Variants in ESRRG observed in about 807,000 individuals in gnomAD.
ESRRG encodes the protein estrogen-related receptor gamma.
Under a neutral mutation model 44.0 loss-of-function variants are expected in ESRRG, and 13 were observed. The ratio of observed to expected loss-of-function variants is 0.30; its 90% CI spans 0.19 to 0.47. ESRRG has a LOEUF of 0.47. Ranked by LOEUF, ESRRG falls within the 20% of genes least tolerant of loss-of-function variation. ESRRG has a pLI of 1.00. For missense variants in ESRRG, 395 were observed against 580.6 expected, an observed-to-expected ratio of 0.68 and a Z score of 3.29; for synonymous variants, 215 against 214.6, an observed-to-expected ratio of 1.00 and a Z score of -0.02.
At chr1:216,919,287 T>G (rs534866708) in intron 2 of ESRRG, among the ~76,000 whole-genome samples, 2 of 152,290 alleles carry the variant, frequency 1.3e-5, no homozygotes, top group South Asian at 4.1e-4. Flanking sequence ...CAAGGGATAC[T>G]AGTCTTTCCC....
chr1:216,606,399 G>A (rs1242209211), intron 3 of ESRRG, among the ~76,000 whole-genome samples: 6 of 152,222 alleles, frequency 3.9e-5, no homozygotes, highest in Non-Finnish European at 5.9e-5. Context: ...CTCACACAGT[G>A]TAATGTGTTT....
chr1:216,679,684 A>G (rs1308302909), intron 1 of ESRRG, among the ~76,000 whole-genome samples: 1 of 139,522 alleles, frequency 7.2e-6, no homozygotes, highest in African/African-American at 2.7e-5. Flanking sequence ...CTTGATCTTC[A>G]GACCCTCTTT....
At chr1:216,660,377 G>C (rs1445569617) in intron 2 of ESRRG, among the ~76,000 whole-genome samples, 1 of 152,134 alleles carries the variant, frequency 6.6e-6, no homozygotes, top group Non-Finnish European at 1.5e-5. Context: ...TCTTTGATGT[G>C]CTTTACATTA....
chr1:216,958,374 C>T (rs1368175066), intron 1 of ESRRG, among the ~76,000 whole-genome samples: 1 of 152,102 alleles, frequency 6.6e-6, no homozygotes, highest in African/African-American at 2.4e-5. Context: ...GTGTTATTTT[C>T]ACACTCACTA....
At chr1:216,752,636 C>A (rs979799008) in intron 2 of ESRRG, among the ~76,000 whole-genome samples, 7 of 152,056 alleles carry the variant, frequency 4.6e-5, no homozygotes, top group Admixed American at 4.6e-4. Flanking sequence ...AACTGTTTAG[C>A]CCAGCATGGA....
chr1:216,929,141 C>T (rs2062980223), intron 2 of ESRRG, among the ~76,000 whole-genome samples: 1 of 152,156 alleles, frequency 6.6e-6, no homozygotes, highest in African/African-American at 2.4e-5. Context: ...AAAAAAACCA[C>T]ACTGGTCTCC....
At chr1:216,735,987 A>AAAAAATATATAT (rs1453476198) in intron 2 of ESRRG, among the ~76,000 whole-genome samples, 5 of 137,092 alleles carry the variant, frequency 3.6e-5, no homozygotes, top group African/African-American at 1.3e-4. Context: ...CTCAAAAAAA[A>AAAAAATATATAT]ATATATATAT....
intron 3 of ESRRG, among the ~76,000 whole-genome samples, chr1:216,616,221 T>C (rs6673703): frequency 0.82 from 124,745 of 151,970 alleles, 51,435 homozygotes; most frequent in African/African-American, 0.87. Context: ...AGTAACTACC[T>C]CAAAGCTACC....
chr1:216,967,590 T>G (rs991310603), intron 1 of ESRRG, among the ~76,000 whole-genome samples: 1 of 152,216 alleles, frequency 6.6e-6, no homozygotes, highest in Non-Finnish European at 1.5e-5. Flanking sequence ...TAGCAGTGAA[T>G]AATACTCCGT....
intron 2 of ESRRG, among the ~76,000 whole-genome samples, chr1:216,742,278 A>C (rs1040016933): frequency 1.3e-5 from 2 of 152,194 alleles, no homozygotes; most frequent in South Asian, 2.1e-4. Flanking sequence ...AGTAGGTTAG[A>C]GCCTTGAAAA....
At chr1:216,847,466 A>C (rs1458344407) in intron 2 of ESRRG, among the ~76,000 whole-genome samples, 1 of 152,152 alleles carries the variant, frequency 6.6e-6, no homozygotes, top group Non-Finnish European at 1.5e-5. Flanking sequence ...TTTAATTCCC[A>C]AAATGATTTT....
intron 3 of ESRRG, among the ~76,000 whole-genome samples, chr1:216,630,545 C>A (rs1318460758): frequency 6.6e-6 from 1 of 151,950 alleles, no homozygotes; most frequent in Non-Finnish European, 1.5e-5. Flanking sequence ...TTATGGTTAG[C>A]TAATAAACCT....
intron 1 of ESRRG, among the ~76,000 whole-genome samples, chr1:216,980,648 A>G (rs2073803834): frequency 6.6e-6 from 1 of 151,960 alleles, no homozygotes; most frequent in African/African-American, 2.4e-5. Flanking sequence ...TTTCAATTCA[A>G]CTTCCAAGGG....
chr1:216,667,165 G>A (rs2074117901), intron 2 of ESRRG, among the ~76,000 whole-genome samples: 1 of 152,118 alleles, frequency 6.6e-6, no homozygotes, highest in South Asian at 2.1e-4. Context: ...TAGCTCAGGA[G>A]ATCTATAGGG....
At chr1:216,638,455 A>G (rs1266044869) in intron 3 of ESRRG, among the ~76,000 whole-genome samples, 2 of 152,188 alleles carry the variant, frequency 1.3e-5, no homozygotes, top group East Asian at 3.9e-4. Flanking sequence ...ACAAAATTAG[A>G]GACTGACTTC....
chr1:216,564,156 A>G (rs1379331099), intron 5 of ESRRG, 63 bp downstream of exon 5: 3 of 1,039,634 alleles, frequency 2.9e-6, no homozygotes, highest in Non-Finnish European at 4.1e-6. Flanking sequence ...ACCCAAATCT[A>G]TATACATAAC....
At chr1:216,709,866 C>G (rs1337833524) in intron 1 of ESRRG, among the ~76,000 whole-genome samples, 1 of 152,122 alleles carries the variant, frequency 6.6e-6, no homozygotes, top group African/African-American at 2.4e-5. Context: ...AAATACAACA[C>G]ACCAAATTTG....
intron 2 of ESRRG, among the ~76,000 whole-genome samples, chr1:216,904,881 A>T (rs1173001280): frequency 6.6e-6 from 1 of 152,120 alleles, no homozygotes; most frequent in Non-Finnish European, 1.5e-5. Context: ...ACAGAAAGTT[A>T]CCCTCTTCTG....
chr1:216,664,251 G>C (rs1424984515), intron 2 of ESRRG, among the ~76,000 whole-genome samples: 1 of 151,878 alleles, frequency 6.6e-6, no homozygotes, highest in African/African-American at 2.4e-5. Flanking sequence ...TCAAGATTTC[G>C]GGGACCCAGT....
Sources: gnomAD v4.1 joint callset for allele counts (sites outside exome capture counted in the v4.1 genomes callset) on GRCh38, gnomAD v4.1.1 for gene constraint, MANE v1.5 for transcripts, NCBI Gene and HGNC (gene_info 2026-07-23, HGNC 2026-07-21) for gene names.